IL4R: variants seen among roughly 807,000 people sequenced by gnomAD.
IL4R encodes interleukin 4 receptor.
A neutral mutation model predicts 41.5 loss-of-function variants in IL4R; 17 were observed. The observed-to-expected ratio is 0.41, with a 90% CI of 0.28 to 0.61. The LOEUF is 0.61. Ranked by LOEUF, IL4R falls within the 20% of genes least tolerant of loss-of-function variation. The probability of loss-of-function intolerance (pLI) is 0.31; values close to 1 mark genes in which losing one functional copy is unlikely to be tolerated. For synonymous variants in IL4R, 402 were observed against 422.9 expected (o/e 0.95, Z 0.61); for missense variants, 974 against 1,043.1 (o/e 0.93, Z 0.91).
chr16:27,344,665 A>G (rs1187899824), intron 4 of IL4R, among the ~76,000 whole-genome samples: 1 of 152,236 alleles, frequency 6.6e-6, no homozygotes, highest in East Asian at 1.9e-4. Flanking sequence ...GCATGTGGTA[A>G]GAGGCTGTGG....
chr16:27,327,636 T>G lies in IL4R; in HGVS notation c.-151-2430T>G, dbSNP rs141447553. 6.3e-4 allele frequency among the ~76,000 whole-genome samples: 96 copies of G among 152,180 alleles called. 2 individuals are homozygous for G. In the East Asian group the frequency reaches 0.017, roughly 27 times the overall value. On this transcript the variant is annotated intron_variant, in intron 1 of 10. Coordinates refer to ENST00000395762, the MANE Select transcript of IL4R (RefSeq NM_000418.4). ...GACAAAGTTCCAGGGTTTTGGGGAC[T>G]GCATTTCAAGGGTCAGCAACCACAG...
chr16:27,321,100 C>A (rs899989506), intron 1 of IL4R, among the ~76,000 whole-genome samples: 1 of 152,066 alleles, frequency 6.6e-6, no homozygotes, highest in African/African-American at 2.4e-5. Flanking sequence ...CACACCACCA[C>A]GCCTGGCTAA....
intron 8 of IL4R, among the ~76,000 whole-genome samples, chr16:27,356,530 T>C (rs2086086532): frequency 6.6e-6 from 1 of 152,000 alleles, no homozygotes; most frequent in South Asian, 2.1e-4. Flanking sequence ...CTGGGGTGCT[T>C]TTTGCAAGGG....
At chr16:27,344,514 T>A (rs2085560800) in intron 4 of IL4R, among the ~76,000 whole-genome samples, 1 of 152,158 alleles carries the variant, frequency 6.6e-6, no homozygotes, top group Non-Finnish European at 1.5e-5. Context: ...TATCTTACGA[T>A]GGCCAAACTG....
chr16:27,357,721 C>T (rs201763518), intron 8 of IL4R, among the ~76,000 whole-genome samples: 3 of 152,236 alleles, frequency 2.0e-5, no homozygotes, highest in East Asian at 1.9e-4. Flanking sequence ...ACCTCGTTCT[C>T]CCAAGGTGCT....
At chr16:27,338,957 C>T (rs1295355485) in intron 2 of IL4R, among the ~76,000 whole-genome samples, 3 of 152,150 alleles carry the variant, frequency 2.0e-5, no homozygotes, top group African/African-American at 2.4e-5. Context: ...CCAGTTCAAG[C>T]GATTCTCCTG....
chr16:27,364,596 G>C lies in IL4R; in HGVS notation c.*766G>C, dbSNP rs2141234951. 6.6e-6 allele frequency: 1 copy of C among 152,316 alleles called. No individual in the cohort carries two copies. Among genetic ancestry groups the C allele is most frequent in the East Asian group, 1.9e-4 (1 of 5,186 alleles). The allele number at this position is 152,316 out of a possible 1,614,324, so 9.4% of individuals were successfully genotyped here. On this transcript the variant is annotated 3_prime_UTR_variant, in exon 11 of 11. Transcript: ENST00000395762. Reference sequence around the variant, plus strand: ...TGTGGGCCGGGCAATCCAGACAGCAGGCATAAGGCACCAGTTACCCTGCAT... The same window carrying C: ...TGTGGGCCGGGCAATCCAGACAGCACGCATAAGGCACCAGTTACCCTGCAT...
intron 6 of IL4R, among the ~76,000 whole-genome samples, chr16:27,349,853 G>A (rs893881773): frequency 6.6e-6 from 1 of 152,174 alleles, no homozygotes. Flanking sequence ...GGGATCAGGT[G>A]ATTCTCCCAC....
intron 2 of IL4R, among the ~76,000 whole-genome samples, chr16:27,332,847 G>A (rs1276390921): frequency 2.0e-5 from 3 of 151,750 alleles, no homozygotes; most frequent in Non-Finnish European, 4.4e-5. Context: ...ACGTCTCACC[G>A]ATTTTGATAG....
At chr16:27,337,661 C>A (rs1333643820) in intron 2 of IL4R, among the ~76,000 whole-genome samples, 2 of 151,578 alleles carry the variant, frequency 1.3e-5, no homozygotes, top group African/African-American at 4.9e-5. Flanking sequence ...CTCACCACAA[C>A]CTCCACCTCC....
intron 6 of IL4R, among the ~76,000 whole-genome samples, chr16:27,348,467 T>G (rs1596516903): frequency 1.3e-5 from 2 of 152,246 alleles, no homozygotes; most frequent in South Asian, 4.1e-4. Context: ...CATGGCTGGA[T>G]CCAGCTTCTA....
intron 2 of IL4R, among the ~76,000 whole-genome samples, chr16:27,332,222 A>G (rs2085130603): frequency 1.3e-5 from 2 of 152,070 alleles, no homozygotes; most frequent in Admixed American, 1.3e-4. Context: ...TTATAAAGGA[A>G]AGAGGTTTGA....
intron 3 of IL4R, chr16:27,341,330 C>T (rs780111648): frequency 4.7e-5 from 28 of 597,266 alleles, no homozygotes; most frequent in African/African-American, 9.3e-5. Context: ...TGGGGAGGGG[C>T]GGGAATCAGG....
intron 1 of IL4R, among the ~76,000 whole-genome samples, chr16:27,319,836 G>C (rs2084759080): frequency 6.6e-6 from 1 of 152,062 alleles, no homozygotes; most frequent in African/African-American, 2.4e-5. Flanking sequence ...AAACCCTTTT[G>C]TGAACTGCAC....
At chr16:27,324,779 C>T (rs2084908606) in intron 1 of IL4R, among the ~76,000 whole-genome samples, 1 of 152,192 alleles carries the variant, frequency 6.6e-6, no homozygotes, top group Non-Finnish European at 1.5e-5. Context: ...ACTGTGTGGA[C>T]TCAAAGTGTC....
At chr16:27,314,186 G>A (rs2141035382) in intron 1 of IL4R, 166 bp downstream of exon 1, 2 of 871,614 alleles carry the variant, frequency 2.3e-6, no homozygotes, top group East Asian at 1.2e-4. Flanking sequence ...AGCAGCGCCC[G>A]GTTCCGTCCT....
intron 1 of IL4R, among the ~76,000 whole-genome samples, chr16:27,316,473 G>A (rs569323715): frequency 2.3e-4 from 35 of 152,330 alleles, no homozygotes; most frequent in Non-Finnish European, 4.3e-4. Flanking sequence ...GGAGGAGAGC[G>A]TTTGGGATTA....
At chr16:27,360,640 G>C in intron 9 of IL4R, 126 bp from the exon 10 acceptor site, 1 of 1,123,336 alleles carries the variant, frequency 8.9e-7, no homozygotes, top group Non-Finnish European at 1.3e-6. Context: ...CTCAGAAAGC[G>C]TAAGTGACCT....
At chr16:27,358,507 A>G (rs2086173540) in intron 8 of IL4R, among the ~76,000 whole-genome samples, 1 of 152,156 alleles carries the variant, frequency 6.6e-6, no homozygotes, top group Non-Finnish European at 1.5e-5. Flanking sequence ...TTCCCTGGTC[A>G]TTTGCCCTCA....
Sources: allele counts gnomAD v4.1 joint callset (sites outside exome capture counted in the v4.1 genomes callset), GRCh38; gene constraint gnomAD v4.1.1; transcripts MANE v1.5; gene names NCBI Gene and HGNC (gene_info 2026-07-23, HGNC 2026-07-21).